The following ZNF628 variants were observed in gnomAD, a reference collection of about 807,000 sequenced individuals.
The protein encoded by ZNF628 is zinc finger protein Zec.
A neutral mutation model predicts 2.5 loss-of-function variants in ZNF628; 3 were observed. The observed-to-expected ratio is 1.19, with a 90% CI of 0.54 to 3.07. The LOEUF is 3.07. Among genes scored for constraint, ZNF628 ranks in the 30% most tolerant of loss-of-function variants. The probability of loss-of-function intolerance (pLI) is 0.03; values close to 1 mark genes in which losing one functional copy is unlikely to be tolerated. For missense variants in ZNF628, 1,610 were observed against 1,517.1 expected, an observed-to-expected ratio of 1.06 and a Z score of -1.02; for synonymous variants, 861 against 717.1, an observed-to-expected ratio of 1.20 and a Z score of -3.21.
At position 55,483,538 on chromosome 19, in the gene ZNF628, T is replaced by C. The variant is rs2123414991; in HGVS notation, c.2345T>C (p.Leu782Pro). The change falls in exon 3 of 3, where the codon CTA becomes CCA. Residue 782 changes from leucine (L) to proline (P), a missense_variant. Leu to Pro is a moderately conservative substitution (Grantham distance 98). Transcript: ENST00000598519. ...GVVWLPGPGGLGVQGAASAGA... is the reference protein window; with the variant it reads ...GVVWLPGPGGPGVQGAASAGA... ...GTCTGGCTGCCAGGCCCTGGGGGTC[T>C]AGGGGTGCAGGGAGCGGCCAGCGCT... The C allele has an allele frequency of 6.3e-7, 1 of 1,579,718 alleles. No homozygotes were observed. Among genetic ancestry groups the C allele is most frequent in the Non-Finnish European group, 8.6e-7 (1 of 1,161,476 alleles).
rs1986701577 is a variant in ZNF628, at chr19:55,481,568, C to T, written c.375C>T (p.Cys125=). 6.2e-7 allele frequency: 1 copy of T among 1,613,196 alleles called. No individual in the cohort carries two copies. Among genetic ancestry groups the T allele is most frequent in the Non-Finnish European group, 8.5e-7 (1 of 1,179,672 alleles). ...TGLRAFICGQ[C]GLAFKWSSHY... ...TGCGGGCCTTCATCTGCGGCCAGTG[C>T]GGCCTGGCCTTCAAGTGGTCGTCCC... Residue 125 remains cysteine (C), a synonymous_variant, in exon 3 of 3, where the codon TGC becomes TGT. Transcript: ENST00000598519.
In ZNF628 at chr19:55,481,231, C is replaced by G; in HGVS notation, c.38C>G (p.Ala13Gly). The change falls in exon 3 of 3, where the codon GCG becomes GGG. Residue 13 changes from alanine (A) to glycine (G), a missense_variant. This residue lies in a region of ZNF628 where 60 missense variants were observed against 46.8 expected (regional missense o/e 1.28). Coordinates refer to ENST00000598519, the MANE Select transcript of ZNF628 (RefSeq NM_033113.3). ...GVMVGSHADM[A>G]PASTAEGAGE... ...ATGGTCGGCTCCCACGCGGACATGG[C>G]GCCGGCCTCTACTGCGGAGGGGGCC... is the stretch of plus-strand genomic sequence containing the variant. 1 of 1,569,774 alleles carries G rather than the reference C, an allele frequency of 6.4e-7. No homozygotes were observed. The highest frequency in any genetic ancestry group is 8.6e-7 in the Non-Finnish European group (1 of 1,160,990).
chr19:55,482,594 C>T lies in ZNF628; in HGVS notation c.1401C>T (p.Ser467=), dbSNP rs138315963. The T allele has an allele frequency of 3.6e-5, 58 of 1,603,398 alleles. No individual in the cohort carries two copies. Among genetic ancestry groups the T allele is most frequent in the Non-Finnish European group, 4.8e-5 (56 of 1,176,958 alleles). Residue 467 remains serine (S), a synonymous_variant, in exon 3 of 3, where the codon TCC becomes TCT. Coordinates refer to ENST00000598519, the MANE Select transcript of ZNF628 (RefSeq NM_033113.3). ...AECGKSFKGS[S]GLRYHLRDHT... ...GCGGCAAGTCCTTCAAGGGCTCCTC[C>T]GGGCTGCGCTACCACCTGCGGGACC...
chr19:55,478,213 G>C (rs73057168), intron 1 of ZNF628, among the ~76,000 whole-genome samples: 2 of 152,344 alleles, frequency 1.3e-5, no homozygotes, highest in Admixed American at 1.3e-4. Context: ...GCACTGCTGA[G>C]GCTGAGAATC....
In ZNF628 at chr19:55,482,750, C is replaced by T. The variant is rs551631262; in HGVS notation, c.1557C>T (p.Phe519=). Residue 519 remains phenylalanine, a synonymous_variant, in exon 3 of 3, where the codon TTC becomes TTT. Coordinates refer to ENST00000598519, the MANE Select transcript of ZNF628 (RefSeq NM_033113.3). ...CCTGTGGCCAGTGCGGCCTCACCTT[C>T]AAGTGGTCGTCCCACTACCAGTACC... ...AFTCGQCGLT[F]KWSSHYQYHL... The T allele has an allele frequency of 6.2e-7, 1 of 1,612,200 alleles. No individual in the cohort carries two copies. Among genetic ancestry groups the T allele is most frequent in the African/African-American group, 1.3e-5 (1 of 75,000 alleles).
At position 55,481,634 on chromosome 19, in the gene ZNF628, C is replaced by G; in HGVS notation, c.441C>G (p.Pro147=). 1.2e-6 allele frequency: 2 copies of G among 1,609,574 alleles called. No homozygotes were observed. The highest frequency in any genetic ancestry group is 1.7e-6 in the Non-Finnish European group (2 of 1,177,082). Residue 147 remains proline, a synonymous_variant, in exon 3 of 3, where the codon CCC becomes CCG. Coordinates refer to ENST00000598519, the MANE Select transcript of ZNF628 (RefSeq NM_033113.3). Reference sequence around the variant, plus strand: ...TAAGGCAGCACACAGGCGAGCGCCCCTACCCGTGCCCGGACTGCCCCAAGG... The same window carrying G: ...TAAGGCAGCACACAGGCGAGCGCCCGTACCCGTGCCCGGACTGCCCCAAGG... ...YHLRQHTGER[P]YPCPDCPKAF...
intron 1 of ZNF628, among the ~76,000 whole-genome samples, chr19:55,477,139 C>G (rs552690655): frequency 1.4e-4 from 22 of 152,322 alleles, no homozygotes; most frequent in Non-Finnish European, 2.6e-4. Flanking sequence ...TCAAAGCGAT[C>G]CCTGGTTTAG....
Position 55,481,561 on chromosome 19 carries a change from G to C in ZNF628, c.368G>C (p.Gly123Ala). ...VHTGLRAFICGQCGLAFKWSS... is the reference protein window; with the variant it reads ...VHTGLRAFICAQCGLAFKWSS... Reference sequence around the variant, plus strand: ...ACCGGCCTGCGGGCCTTCATCTGCGGCCAGTGCGGCCTGGCCTTCAAGTGG... The same window carrying C: ...ACCGGCCTGCGGGCCTTCATCTGCGCCCAGTGCGGCCTGGCCTTCAAGTGG... The change falls in exon 3 of 3, where the codon GGC becomes GCC. Residue 123 changes from glycine to alanine, a missense_variant. Coordinates refer to ENST00000598519, the MANE Select transcript of ZNF628 (RefSeq NM_033113.3). The C allele has an allele frequency of 6.2e-7, 1 of 1,613,190 alleles. No individual in the cohort carries two copies. Among genetic ancestry groups the C allele is most frequent in the Non-Finnish European group, 8.5e-7 (1 of 1,179,670 alleles).
chr19:55,480,904 A>G (rs1160727448), intron 2 of ZNF628, among the ~76,000 whole-genome samples: 1 of 152,196 alleles, frequency 6.6e-6, no homozygotes, highest in Non-Finnish European at 1.5e-5. Flanking sequence ...TCCTACAGGC[A>G]GTGCTTGCTC....
rs774180051 is a variant in ZNF628, at chr19:55,483,404, C to T, written c.2211C>T (p.Pro737=). The T allele has an allele frequency of 3.4e-5, 52 of 1,531,026 alleles. No homozygotes were observed. The South Asian group carries it at 3.7e-4, about 11-fold the overall frequency. 94.8% of individuals were successfully genotyped at this position (1,531,026 alleles called of 1,614,324 possible). ...SVQPPTPPPP[P]APPKLILLPS... is the part of the protein sequence containing the mutation. ...AGCCCCCTACACCTCCGCCCCCTCC[C>T]GCACCTCCCAAGCTCATCCTGCTGC... is the stretch of plus-strand genomic sequence containing the variant. Residue 737 remains proline (P), a synonymous_variant, in exon 3 of 3, where the codon CCC becomes CCT. Coordinates refer to ENST00000598519, the MANE Select transcript of ZNF628 (RefSeq NM_033113.3).
Position 55,484,416 on chromosome 19 carries a change from A to C in ZNF628, c.*43A>C. The C allele has an allele frequency of 7.1e-7, 1 of 1,398,660 alleles. No individual in the cohort carries two copies. The allele number at this position is 1,398,660 out of a possible 1,614,324, so 86.6% of individuals were successfully genotyped here. A position where few individuals can be genotyped will look rare whatever the true frequency, so the allele number is the denominator to read the frequency against. On this transcript the variant is annotated 3_prime_UTR_variant, in exon 3 of 3. Transcript: ENST00000598519. ...CCTCCCGCCCCGCACAGAGACCCCG[A>C]CTCACTGCCAGCCGGGGCGGGGCAG...
chr19:55,480,502 C>G (rs1007138164), intron 2 of ZNF628, among the ~76,000 whole-genome samples: 1 of 152,176 alleles, frequency 6.6e-6, no homozygotes, highest in Non-Finnish European at 1.5e-5. Flanking sequence ...CTCACTGAAA[C>G]CTCCACCTCC....
In ZNF628 at chr19:55,484,040, C is replaced by G. The variant is rs750801178; in HGVS notation, c.2847C>G (p.Leu949=). 4 of 1,595,314 alleles carry G rather than the reference C, an allele frequency of 2.5e-6. No individual in the cohort carries two copies. The highest frequency in any genetic ancestry group is 3.5e-5 in the Admixed American group (2 of 57,644). The change falls in exon 3 of 3, where the codon CTC becomes CTG. Residue 949 remains leucine, a synonymous_variant. Transcript: ENST00000598519. ...LSGADGEQTR[L]CVQEVETLPP... ...GGGCCGATGGCGAACAGACTCGACT[C>G]TGCGTACAGGAGGTAGAAACACTTC...
chr19:55,481,655 C>T lies in ZNF628; in HGVS notation c.462C>T (p.Pro154=). 6.2e-7 allele frequency: 1 copy of T among 1,610,104 alleles called. No individual in the cohort carries two copies. The change falls in exon 3 of 3, where the codon CCC becomes CCT. Residue 154 remains proline, a synonymous_variant. Coordinates refer to ENST00000598519, the MANE Select transcript of ZNF628 (RefSeq NM_033113.3). ...GERPYPCPDC[P]KAFKNSSSLR... is the part of the protein sequence containing the mutation. ...GCCCCTACCCGTGCCCGGACTGCCC[C>T]AAGGCCTTCAAGAACTCGTCCAGCC...
intron 1 of ZNF628, among the ~76,000 whole-genome samples, chr19:55,478,043 T>G (rs1276152157): frequency 6.6e-6 from 1 of 152,126 alleles, no homozygotes; most frequent in African/African-American, 2.4e-5. Context: ...CGGCTAAGAC[T>G]CGGAGGTGCA....
Position 55,482,277 on chromosome 19 carries a change from G to C in ZNF628, c.1084G>C (p.Gly362Arg). 1 of 1,471,482 alleles carries C rather than the reference G, an allele frequency of 6.8e-7. No individual in the cohort carries two copies. The highest frequency in any genetic ancestry group is 1.3e-5 in the South Asian group (1 of 78,314). 91.2% of individuals were successfully genotyped at this position (1,471,482 alleles called of 1,614,324 possible). A position where few individuals can be genotyped will look rare whatever the true frequency, so the allele number is the denominator to read the frequency against. ...PAPGFACLPC[G>R]KSFRTVAGLS... ...GCCTGGCTTTGCCTGTCTGCCCTGC[G>C]GCAAGTCCTTCCGGACGGTGGCTGG... Residue 362 changes from glycine to arginine, a missense_variant, in exon 3 of 3, where the codon GGC (glycine) becomes CGC (arginine). By Grantham distance (125) the Gly-to-Arg change is moderately radical. This residue lies in a region of ZNF628 where 651 missense variants were observed against 575.6 expected (regional missense o/e 1.13). Transcript: ENST00000598519.
At chr19:55,478,640 G>A (rs1303345489) in intron 1 of ZNF628, among the ~76,000 whole-genome samples, 2 of 152,224 alleles carry the variant, frequency 1.3e-5, no homozygotes, top group Non-Finnish European at 2.9e-5. Context: ...GGGAACAGAC[G>A]GGTGGGCAGG....
In ZNF628 at chr19:55,483,452, G is replaced by A. The variant is rs1382899339; in HGVS notation, c.2259G>A (p.Gly753=). 1.3e-6 allele frequency: 2 copies of A among 1,511,124 alleles called. No homozygotes were observed. Among genetic ancestry groups the A allele is most frequent in the African/African-American group, 2.8e-5 (2 of 72,664 alleles). 93.6% of individuals were successfully genotyped at this position (1,511,124 alleles called of 1,614,324 possible). A position where few individuals can be genotyped will look rare whatever the true frequency, so the allele number is the denominator to read the frequency against. ...ILLPSSSAGA[G]GGRARQGPRA... The stretch of plus-strand genomic sequence containing the variant: ...TGCCCTCCTCCAGTGCTGGGGCTGG[G>A]GGCGGCCGTGCAAGGCAGGGCCCGC... Residue 753 remains glycine (G), a synonymous_variant, in exon 3 of 3, where the codon GGG becomes GGA. Coordinates refer to ENST00000598519, the MANE Select transcript of ZNF628 (RefSeq NM_033113.3).
chr19:55,483,710 G>T lies in ZNF628; in HGVS notation c.2517G>T (p.Glu839Asp), dbSNP rs73608718. 1.2e-6 allele frequency: 2 copies of T among 1,613,358 alleles called. No homozygotes were observed. The highest frequency in any genetic ancestry group is 2.2e-5 in the South Asian group (2 of 91,080). The part of the protein sequence containing the change: ...VTTVQLQPAQ[E>D]VTTVQLQPAQ... ...CGGTCCAGCTCCAGCCAGCGCAGGA[G>T]GTGACCACAGTCCAGCTCCAGCCAG... The change falls in exon 3 of 3, where the codon GAG becomes GAT. Residue 839 changes from glutamate (E) to aspartate (D), a missense_variant. By Grantham distance (45) the Glu-to-Asp change is conservative (BLOSUM62 2). Coordinates refer to ENST00000598519, the MANE Select transcript of ZNF628 (RefSeq NM_033113.3).
Sources: gnomAD v4.1 joint callset for allele counts (sites outside exome capture counted in the v4.1 genomes callset) on GRCh38, gnomAD v4.1.1 for gene constraint, gnomAD v4.1.1 regional missense constraint, MANE v1.5 for transcripts, NCBI Gene and HGNC (gene_info 2026-07-23, HGNC 2026-07-21) for gene names.